The following ABCA13 variants were observed in gnomAD, a reference collection of about 807,000 sequenced individuals.
ABCA13 encodes the protein ATP binding cassette subfamily A member 13.
In ABCA13, 476 loss-of-function variants were observed where a neutral mutation model predicts 478.7. That is an observed-to-expected ratio of 0.99 (90% CI 0.92 to 1.07). The LOEUF is 1.07. Among genes scored for constraint, ABCA13 ranks in the 50% least tolerant of loss-of-function variants. The pLI is 0.00. For missense variants in ABCA13, 6,060 were observed against 5,910.6 expected, an observed-to-expected ratio of 1.03 and a Z score of -0.83; for synonymous variants, 2,252 against 2,158.9, an observed-to-expected ratio of 1.04 and a Z score of -1.20.
chr7:48,456,809 T>G (rs200870231), intron 43 of ABCA13, among the ~76,000 whole-genome samples: 4 of 98,732 alleles, frequency 4.1e-5, no homozygotes, highest in South Asian at 2.8e-4. Flanking sequence ...TATTTATTTG[T>G]TTTTTTTTTC....
At chr7:48,533,015 A>G (rs755075673) in intron 55 of ABCA13, among the ~76,000 whole-genome samples, 22 of 151,294 alleles carry the variant, frequency 1.5e-4, no homozygotes, top group Non-Finnish European at 2.9e-4. Flanking sequence ...TTCTGCTCTG[A>G]TCTTCATTAT....
At position 48,281,785 on chromosome 7, in the gene ABCA13, T is replaced by C. The variant is rs544081303; in HGVS notation, c.8836+333T>C. ...GCTGGGGGTGTCTTGTCCAGAAGTG[T>C]TCCCCCATCTCCTTTACTGGCAAAG... On this transcript the variant is annotated intron_variant, in intron 19 of 61. Coordinates refer to ENST00000435803, the MANE Select transcript of ABCA13 (RefSeq NM_152701.5). Among the ~76,000 whole-genome samples the C allele has an allele frequency of 5.4e-4, 83 of 152,326 alleles. 1 individual carries two copies. The highest frequency in any genetic ancestry group is 1.9e-3 in the African/African-American group (78 of 41,572).
chr7:48,175,882 T>TAACAAC (rs376433232), intron 1 of ABCA13, among the ~76,000 whole-genome samples: 12 of 151,644 alleles, frequency 7.9e-5, no homozygotes, highest in Admixed American at 2.6e-4. Flanking sequence ...AAAGAATTAA[T>TAACAAC]AACAACAACA....
chr7:48,254,657 G>C (rs566153000), intron 15 of ABCA13, among the ~76,000 whole-genome samples: 1 of 152,242 alleles, frequency 6.6e-6, no homozygotes, highest in Middle Eastern at 3.4e-3. Context: ...GGCAGTGAGA[G>C]TGGAGGCATA....
chr7:48,384,191 C>T (rs960635582), intron 35 of ABCA13, among the ~76,000 whole-genome samples: 1 of 152,212 alleles, frequency 6.6e-6, no homozygotes, highest in East Asian at 1.9e-4. Flanking sequence ...GCCTCTGAGC[C>T]GAAGACCTGC....
chr7:48,572,931 A>G (rs1043137966), intron 55 of ABCA13, among the ~76,000 whole-genome samples: 2 of 152,048 alleles, frequency 1.3e-5, no homozygotes, highest in African/African-American at 4.8e-5. Flanking sequence ...TAGGCTTTCT[A>G]TTTCTTCCTT....
At chr7:48,535,722 T>G (rs1282158516) in intron 55 of ABCA13, among the ~76,000 whole-genome samples, 2 of 152,024 alleles carry the variant, frequency 1.3e-5, no homozygotes, top group African/African-American at 4.8e-5. Context: ...CTCAGGCCAG[T>G]GGATTTATGT....
chr7:48,202,014 C>G (rs758408381), intron 3 of ABCA13, among the ~76,000 whole-genome samples: 2 of 151,534 alleles, frequency 1.3e-5, no homozygotes, highest in Non-Finnish European at 2.9e-5. Flanking sequence ...TTGTTCCTCC[C>G]GGTGGGCTCG....
At chr7:48,203,089 G>T (rs1799049960) in intron 3 of ABCA13, among the ~76,000 whole-genome samples, 2 of 152,224 alleles carry the variant, frequency 1.3e-5, no homozygotes, top group African/African-American at 4.8e-5. Context: ...GCGAGAAATC[G>T]AGCGCAGCGC....
chr7:48,608,638 C>T (rs140109899), intron 58 of ABCA13, among the ~76,000 whole-genome samples: 17 of 152,352 alleles, frequency 1.1e-4, no homozygotes, highest in Admixed American at 3.3e-4. Context: ...TTTGCATCCT[C>T]TTCAGCTGGG....
intron 41 of ABCA13, among the ~76,000 whole-genome samples, chr7:48,422,363 G>C (rs1359413590): frequency 2.0e-5 from 3 of 152,128 alleles, no homozygotes; most frequent in Non-Finnish European, 1.5e-5. Context: ...CCTTTGACTG[G>C]AGTGCTGTGA....
At chr7:48,476,915 G>A (rs895266244) in intron 45 of ABCA13, among the ~76,000 whole-genome samples, 1 of 152,168 alleles carries the variant, frequency 6.6e-6, no homozygotes. Flanking sequence ...GAAACTCGGA[G>A]GGGAAAGAGG....
At chr7:48,291,479 G>A (rs1584669930) in intron 20 of ABCA13, among the ~76,000 whole-genome samples, 1 of 152,082 alleles carries the variant, frequency 6.6e-6, no homozygotes, top group Non-Finnish European at 1.5e-5. Flanking sequence ...TCTGAGCTGG[G>A]GACGGGTTAG....
At chr7:48,258,748 T>C (rs1298030118) in intron 15 of ABCA13, among the ~76,000 whole-genome samples, 3 of 152,198 alleles carry the variant, frequency 2.0e-5, no homozygotes. Context: ...TGCGGGTGTT[T>C]AGTGCTATAA....
chr7:48,264,234 T>C (rs1794578114), intron 15 of ABCA13, among the ~76,000 whole-genome samples: 1 of 151,926 alleles, frequency 6.6e-6, no homozygotes, highest in Non-Finnish European at 1.5e-5. Context: ...TTTCTGGCTT[T>C]ACAAGTAAAG....
At chr7:48,482,689 T>C (rs1380148528) in intron 46 of ABCA13, among the ~76,000 whole-genome samples, 1 of 152,142 alleles carries the variant, frequency 6.6e-6, no homozygotes, top group East Asian at 1.9e-4. Flanking sequence ...CCACCACACC[T>C]AGCCCAAGAA....
intron 42 of ABCA13, among the ~76,000 whole-genome samples, chr7:48,428,214 G>A (rs1821698543): frequency 6.6e-6 from 1 of 152,096 alleles, no homozygotes; most frequent in Non-Finnish European, 1.5e-5. Context: ...TACCTGCGTG[G>A]TGTGCCTCTT....
chr7:48,545,330 G>T (rs1177328080), intron 55 of ABCA13, among the ~76,000 whole-genome samples: 1 of 151,620 alleles, frequency 6.6e-6, no homozygotes, highest in Non-Finnish European at 1.5e-5. Flanking sequence ...AGGATTAGAG[G>T]TGAAAAGAAA....
chr7:48,279,718 A>G lies in ABCA13; in HGVS notation c.8524A>G (p.Arg2842Gly), dbSNP rs1562957641. 2 of 1,613,670 alleles carry G rather than the reference A, an allele frequency of 1.2e-6. No individual in the cohort carries two copies. The highest frequency in any genetic ancestry group is 1.7e-6 in the Non-Finnish European group (2 of 1,179,770). Residue 2842 changes from arginine (R) to glycine (G), a missense_variant, in exon 18 of 62, where the codon AGA becomes GGA. Physicochemically the swap from Arg to Gly is moderately radical, Grantham distance 125. This residue lies in a region of ABCA13 where 4,423 missense variants were observed against 4,309.1 expected (regional missense o/e 1.03). Transcript: ENST00000435803. ...CAACTCTGAATGGATAACTTCCACA[A>G]GAACTTTGTTTCAGCCACTTTTTGA... ...FNNSEWITST[R>G]TLFQPLFEIF...
Sources: gnomAD v4.1 joint callset for allele counts (sites outside exome capture counted in the v4.1 genomes callset) on GRCh38, gnomAD v4.1.1 for gene constraint, gnomAD v4.1.1 regional missense constraint, MANE v1.5 for transcripts, NCBI Gene and HGNC (gene_info 2026-07-23, HGNC 2026-07-21) for gene names.